ASCC3: variants seen among roughly 807,000 people sequenced by gnomAD.
ASCC3 encodes the protein ASC-1 complex subunit P200.
In ASCC3, 158 loss-of-function variants were observed where a neutral mutation model predicts 256.3. That is an observed-to-expected ratio of 0.62 (90% CI 0.54 to 0.70). The LOEUF (loss-of-function observed/expected upper bound fraction) is 0.70. ASCC3 is among the 30% of genes least tolerant of loss of function. The pLI is 0.00. For missense variants in ASCC3, 2,259 were observed against 2,626.0 expected, an observed-to-expected ratio of 0.86 and a Z score of 3.05; for synonymous variants, 948 against 883.4, an observed-to-expected ratio of 1.07 and a Z score of -1.30.
chr6:100,656,836 A>AT (rs1010101720), intron 16 of ASCC3, among the ~76,000 whole-genome samples: 85 of 149,704 alleles, frequency 5.7e-4, no homozygotes, highest in Non-Finnish European at 7.5e-4. Flanking sequence ...TCATAGTTGT[A>AT]TTTTTTTTTC....
At chr6:100,541,800 A>G (rs1009445152) in intron 36 of ASCC3, among the ~76,000 whole-genome samples, 1 of 152,236 alleles carries the variant, frequency 6.6e-6, no homozygotes, top group Non-Finnish European at 1.5e-5. Context: ...ACTGACATAG[A>G]TCTTAGAATT....
Position 100,655,826 on chromosome 6 carries a change from T to C in ASCC3, c.2704-8A>G, listed in dbSNP as rs761668086. ...AACTGTTCCCAGAGCAATCTGCAAA[T>C]CAAAAAGATGACAGAAATTAATGTA... On this transcript the variant is annotated splice_polypyrimidine_tract_variant and splice_region_variant and intron_variant, in intron 16 of 41. Transcript: ENST00000369162. 11 of 1,610,046 alleles carry C rather than the reference T, an allele frequency of 6.8e-6. No individual in the cohort carries two copies. Among genetic ancestry groups the C allele is most frequent in the Non-Finnish European group, 9.3e-6 (11 of 1,178,654 alleles).
chr6:100,577,915 G>A (rs533237568), intron 36 of ASCC3, among the ~76,000 whole-genome samples: 4 of 152,144 alleles, frequency 2.6e-5, no homozygotes, highest in Admixed American at 2.6e-4. Context: ...ACGAAATTGA[G>A]TATGAAAAAA....
At chr6:100,645,701 T>C (rs1775345622) in intron 22 of ASCC3, among the ~76,000 whole-genome samples, 1 of 152,208 alleles carries the variant, frequency 6.6e-6, no homozygotes, top group Admixed American at 6.5e-5. Flanking sequence ...TTAAAAAATG[T>C]TGATTGAATA....
intron 10 of ASCC3, among the ~76,000 whole-genome samples, chr6:100,740,665 C>T (rs1780392893): frequency 6.6e-6 from 1 of 151,716 alleles, no homozygotes. Flanking sequence ...TGTTGAATTG[C>T]ACCCTTCCTT....
intron 24 of ASCC3, among the ~76,000 whole-genome samples, chr6:100,640,033 T>G (rs946189860): frequency 6.6e-6 from 1 of 152,092 alleles, no homozygotes; most frequent in Admixed American, 6.5e-5. Context: ...GAGAATCGCT[T>G]GAACCCGGCG....
chr6:100,709,477 G>A (rs967703844), intron 13 of ASCC3, among the ~76,000 whole-genome samples: 7 of 152,124 alleles, frequency 4.6e-5, no homozygotes, highest in African/African-American at 1.7e-4. Flanking sequence ...ACCTTGGGAA[G>A]CTGCTTAACA....
At chr6:100,867,047 T>C (rs893124002) in intron 2 of ASCC3, among the ~76,000 whole-genome samples, 1 of 152,182 alleles carries the variant, frequency 6.6e-6, no homozygotes, top group African/African-American at 2.4e-5. Context: ...AGTTTATCCA[T>C]CAGAAGAAAT....
chr6:100,824,940 A>G lies in ASCC3; in HGVS notation c.802-19060T>C, dbSNP rs1771224423. Among the ~76,000 whole-genome samples the G allele has an allele frequency of 4.6e-5, 7 of 152,284 alleles. No homozygotes were observed. The South Asian group carries it at 1.4e-3, about 32-fold the overall frequency. ...TTTGCAAGCTTAATGTGAATAAAAAATACAATAAAGGCCAGGAAAAAATTT... is the reference window on the plus strand; with the variant it reads ...TTTGCAAGCTTAATGTGAATAAAAAGTACAATAAAGGCCAGGAAAAAATTT... On this transcript the variant is annotated intron_variant, in intron 4 of 41. Coordinates refer to ENST00000369162, the MANE Select transcript of ASCC3 (RefSeq NM_006828.4).
chr6:100,672,479 T>C (rs1436010540), intron 14 of ASCC3, among the ~76,000 whole-genome samples: 4 of 151,998 alleles, frequency 2.6e-5, no homozygotes, highest in African/African-American at 9.7e-5. Flanking sequence ...ATCTGGATGA[T>C]GGAAATGAAG....
chr6:100,818,748 C>CAAAAAAAAAAAAAAAAA (rs56668191), intron 4 of ASCC3, among the ~76,000 whole-genome samples: 4 of 58,108 alleles, frequency 6.9e-5, no homozygotes, highest in Non-Finnish European at 8.5e-5. Context: ...AGGCAAAAGC[C>CAAAAAAAAAAAAAAAAA]AAAAAAAAAA....
At chr6:100,840,718 T>C (rs1277686105) in intron 4 of ASCC3, among the ~76,000 whole-genome samples, 1 of 152,008 alleles carries the variant, frequency 6.6e-6, no homozygotes, top group African/African-American at 2.4e-5. Context: ...ATATCCTGTG[T>C]GACCTAGTTT....
chr6:100,744,093 T>C (rs574741495), intron 10 of ASCC3, among the ~76,000 whole-genome samples: 4 of 152,332 alleles, frequency 2.6e-5, no homozygotes, highest in African/African-American at 9.6e-5. Context: ...TGAATGTCCT[T>C]ACTTATCCTT....
Position 100,575,397 on chromosome 6 carries a change from C to G in ASCC3, c.5550+14237G>C, listed in dbSNP as rs560255897. Among the ~76,000 whole-genome samples, 10 of 151,974 alleles carry G rather than the reference C, an allele frequency of 6.6e-5. No individual in the cohort carries two copies. The South Asian group carries it at 2.1e-3, about 32-fold the overall frequency. On this transcript the variant is annotated intron_variant, in intron 36 of 41. Transcript: ENST00000369162. ...ACAATTTATAGTTGTGCCTCAAACA[C>G]GATAAAATTCAAGCATTAAAAATGT...
At chr6:100,641,256 T>C (rs1201523716) in intron 24 of ASCC3, among the ~76,000 whole-genome samples, 1 of 152,202 alleles carries the variant, frequency 6.6e-6, no homozygotes, top group African/African-American at 2.4e-5. Context: ...AAAAACACTA[T>C]TGTATGATGT....
intron 36 of ASCC3, among the ~76,000 whole-genome samples, chr6:100,585,073 T>G (rs1771572064): frequency 6.6e-6 from 1 of 152,296 alleles, no homozygotes; most frequent in South Asian, 2.1e-4. Context: ...GTTGCTCTTC[T>G]CGAGGAGTAT....
intron 25 of ASCC3, among the ~76,000 whole-genome samples, chr6:100,632,399 A>G (rs1056880055): frequency 4.6e-5 from 7 of 152,100 alleles, no homozygotes; most frequent in Non-Finnish European, 8.8e-5. Context: ...TACAACCCAA[A>G]GCAATCTTCA....
At position 100,512,350 on chromosome 6, in the gene ASCC3, T is replaced by C. The variant is rs570499121; in HGVS notation, c.6285+359A>G. Among the ~76,000 whole-genome samples, 499 of 152,226 alleles carry C rather than the reference T, an allele frequency of 3.3e-3. 2 individuals carry two copies. The highest frequency in any genetic ancestry group is 6.8e-3 in the Middle Eastern group (2 of 294). ...AATCATGTGGGGCACTGAGTGAAGG[T>C]ATAGATTTTGAGATTCCCGCCTCCT... On this transcript the variant is annotated intron_variant, in intron 40 of 41. Coordinates refer to ENST00000369162, the MANE Select transcript of ASCC3 (RefSeq NM_006828.4).
chr6:100,802,628 A>G (rs1450957557), intron 5 of ASCC3, among the ~76,000 whole-genome samples: 2 of 152,170 alleles, frequency 1.3e-5, no homozygotes, highest in Non-Finnish European at 2.9e-5. Flanking sequence ...AAACATAAAC[A>G]AAACTCATCT....
Sources: allele counts gnomAD v4.1 joint callset (sites outside exome capture counted in the v4.1 genomes callset), GRCh38; gene constraint gnomAD v4.1.1; transcripts MANE v1.5; gene names NCBI Gene and HGNC (gene_info 2026-07-23, HGNC 2026-07-21).